Variants in SPRING1 observed in about 807,000 individuals in gnomAD.
The protein encoded by SPRING1 is SREBF pathway regulator in golgi 1.
SPRING1 carries 14 observed loss-of-function variants against 24.7 expected under a neutral mutation model. That is an observed-to-expected ratio of 0.57 (90% CI 0.37 to 0.88). SPRING1 has a LOEUF of 0.88. Ranked by LOEUF, SPRING1 falls within the 40% of genes least tolerant of loss-of-function variation. The pLI is 0.00. For missense variants in SPRING1, 255 were observed against 268.4 expected, an observed-to-expected ratio of 0.95 and a Z score of 0.35; for synonymous variants, 93 against 106.1, an observed-to-expected ratio of 0.88 and a Z score of 0.76.
intron 1 of SPRING1, among the ~76,000 whole-genome samples, chr12:116,725,415 A>AG (rs1199774720): frequency 6.6e-6 from 1 of 152,186 alleles, no homozygotes; most frequent in Admixed American, 6.5e-5. Context: ...AGAACAGATA[A>AG]GGGGGAACTA....
chr12:116,722,928 C>G (rs1376414948), intron 2 of SPRING1, 139 bp downstream of exon 2: 1 of 1,159,690 alleles, frequency 8.6e-7, no homozygotes, highest in Non-Finnish European at 1.2e-6. Flanking sequence ...GTATAGAAGA[C>G]AAAAACCTGG....
rs1019464591 is a variant in SPRING1, at chr12:116,712,825, A to G, written c.*4985T>C. ...CGGAGTCCAAGAGTGCGGTGAGGAC[A>G]CAGTGGCAAAGGAATAATGCCATTC... On this transcript the variant is annotated 3_prime_UTR_variant, in exon 5 of 5. Transcript: ENST00000261318. 1 of 152,498 alleles carries G rather than the reference A, an allele frequency of 6.6e-6. No homozygotes were observed. The highest frequency in any genetic ancestry group is 1.5e-5 in the Non-Finnish European group (1 of 68,168). 9.4% of individuals were successfully genotyped at this position (152,498 alleles called of 1,614,324 possible). A position where few individuals can be genotyped will look rare whatever the true frequency, so the allele number is the denominator to read the frequency against.
intron 1 of SPRING1, among the ~76,000 whole-genome samples, chr12:116,725,261 A>ACAC (rs1333456349): frequency 1.2e-4 from 19 of 152,182 alleles, no homozygotes; most frequent in African/African-American, 4.3e-4. Context: ...ACGCCATCCC[A>ACAC]TTCCGTCCCG....
At position 116,735,598 on chromosome 12, in the gene SPRING1, G is replaced by A. The variant is rs536811100; in HGVS notation, c.111+2192C>T. Among the ~76,000 whole-genome samples the A allele has an allele frequency of 4.4e-4, 67 of 152,140 alleles. 1 individual carries two copies. Among genetic ancestry groups the A allele is most frequent in the African/African-American group, 1.4e-3 (58 of 41,510 alleles). On this transcript the variant is annotated intron_variant, in intron 1 of 4. Transcript: ENST00000261318. ...AATACAAAAATTAGTCGGGTGTGGT[G>A]GTGCATGCCTGTAATCCCAGCTACT...
At chr12:116,722,809 C>G (rs983241861) in intron 2 of SPRING1, among the ~76,000 whole-genome samples, 1 of 152,092 alleles carries the variant, frequency 6.6e-6, no homozygotes, top group Admixed American at 6.6e-5. Context: ...GGGACTGATG[C>G]GTGACACAGT....
chr12:116,734,224 T>C (rs1871124188), intron 1 of SPRING1, among the ~76,000 whole-genome samples: 1 of 152,206 alleles, frequency 6.6e-6, no homozygotes, highest in Non-Finnish European at 1.5e-5. Context: ...TTTCTATGTT[T>C]AGATCTATTT....
At chr12:116,737,731 A>G in intron 1 of SPRING1, 59 bp downstream of exon 1, 1 of 1,350,604 alleles carries the variant, frequency 7.4e-7, no homozygotes, top group South Asian at 1.4e-5. Flanking sequence ...GAGAAAGTAA[A>G]GTAAGGGGGA....
rs372721801 is a variant in SPRING1 at position 116,726,858 on chromosome 12, TCA to T, written c.112-3637_112-3636del. Reference sequence around the variant, plus strand: ...TGTTCTTCCAAAAGAAAACAAGAGTTCACAGTCAAGTGCATCCCAGAAGGACC... The same window carrying T: ...TGTTCTTCCAAAAGAAAACAAGAGTTCAGTCAAGTGCATCCCAGAAGGACC... On this transcript the variant is annotated intron_variant, in intron 1 of 4. Transcript: ENST00000261318. Among the ~76,000 whole-genome samples, 4 of 152,336 alleles carry T rather than the reference TCA, an allele frequency of 2.6e-5. No individual in the cohort carries two copies. The East Asian group carries it at 7.7e-4, about 29-fold the overall frequency.
intron 1 of SPRING1, among the ~76,000 whole-genome samples, chr12:116,731,827 T>C (rs2137044398): frequency 6.6e-6 from 1 of 152,270 alleles, no homozygotes; most frequent in East Asian, 1.9e-4. Flanking sequence ...TGTTTCTTGC[T>C]CATGCTACAA....
At chr12:116,737,506 G>A (rs554498862) in intron 1 of SPRING1, among the ~76,000 whole-genome samples, 2 of 128,970 alleles carry the variant, frequency 1.6e-5, no homozygotes, top group African/African-American at 5.9e-5. Context: ...GAAGGGGGAG[G>A]AAGGAAAGGG....
In SPRING1 at chr12:116,717,860, T is replaced by C. The variant is rs1271614697; in HGVS notation, c.568A>G (p.Ile190Val). ...VQHENTYRDP[I>V]AKYCYGESPP... Reference sequence around the variant, plus strand: ...CTTTCTCCATAGCAATACTTTGCTATGGGGTCCCGGTAGGTGTTCTCATGC... The same window carrying C: ...CTTTCTCCATAGCAATACTTTGCTACGGGGTCCCGGTAGGTGTTCTCATGC... The change falls in exon 5 of 5, where the codon ATA becomes GTA. Residue 190 changes from isoleucine (I) to valine (V), a missense_variant. Ile to Val is a conservative substitution (Grantham distance 29). Transcript: ENST00000261318. This position sits in a 1 kb window ranked among gnomAD's most constrained non-coding sequence, Gnocchi z 4.2. 2.5e-6 allele frequency: 4 copies of C among 1,609,058 alleles called. No homozygotes were observed. Among genetic ancestry groups the C allele is most frequent in the East Asian group, 4.5e-5 (2 of 44,660 alleles).
At chr12:116,735,342 G>A (rs1871169608) in intron 1 of SPRING1, among the ~76,000 whole-genome samples, 1 of 152,180 alleles carries the variant, frequency 6.6e-6, no homozygotes, top group South Asian at 2.1e-4. Context: ...TGAATATTAA[G>A]TTTCAGTTTC....
At position 116,713,383 on chromosome 12, in the gene SPRING1, C is replaced by T. The variant is rs973617425; in HGVS notation, c.*4427G>A. ...AAAAGAAACAACATTGGCTAAGTCA[C>T]GAATAGGCATTTCACCATATGTACA... On this transcript the variant is annotated 3_prime_UTR_variant, in exon 5 of 5. Transcript: ENST00000261318. The T allele has an allele frequency of 1.3e-5, 2 of 152,188 alleles. No individual in the cohort carries two copies. Among genetic ancestry groups the T allele is most frequent in the African/African-American group, 4.8e-5 (2 of 41,444 alleles). The allele number at this position is 152,188 out of a possible 1,614,324, so 9.4% of individuals were successfully genotyped here.
intron 1 of SPRING1, among the ~76,000 whole-genome samples, chr12:116,733,938 G>A (rs1405655440): frequency 6.6e-6 from 1 of 152,132 alleles, no homozygotes; most frequent in African/African-American, 2.4e-5. Context: ...GTGCAGTGGC[G>A]TGATCTCGGC....
At chr12:116,719,739 G>A in intron 4 of SPRING1, 24 bp downstream of exon 4, 1 of 1,596,776 alleles carries the variant, frequency 6.3e-7, no homozygotes, top group Non-Finnish European at 8.6e-7. Context: ...CCATCCCACA[G>A]CTAGAGACAT....
rs1448656953 is a variant in SPRING1 at position 116,713,487 on chromosome 12, AT to A, written c.*4322del. The A allele has an allele frequency of 2.0e-5, 3 of 152,250 alleles. No homozygotes were observed. Among genetic ancestry groups the A allele is most frequent in the African/African-American group, 7.2e-5 (3 of 41,472 alleles). 9.4% of individuals were successfully genotyped at this position (152,250 alleles called of 1,614,324 possible). On this transcript the variant is annotated 3_prime_UTR_variant, in exon 5 of 5. Coordinates refer to ENST00000261318, the MANE Select transcript of SPRING1 (RefSeq NM_024738.4). The stretch of plus-strand genomic sequence containing the variant: ...TACATTCAAACAAGAACAGAGATCC[AT>A]TAGCAAAATGTTTAAAAATAATATC...
intron 1 of SPRING1, among the ~76,000 whole-genome samples, chr12:116,737,501 G>A (rs1280450675): frequency 6.0e-5 from 8 of 132,258 alleles, no homozygotes; most frequent in African/African-American, 1.2e-4. Context: ...AAAGGGAAGG[G>A]GGAGGAAGGA....
At chr12:116,725,773 C>G (rs1021862767) in intron 1 of SPRING1, among the ~76,000 whole-genome samples, 3 of 151,960 alleles carry the variant, frequency 2.0e-5, no homozygotes, top group African/African-American at 7.3e-5. Flanking sequence ...GTAGTCCCAG[C>G]TACTCAGGAG....
In SPRING1 at chr12:116,710,842, G is replaced by A. The variant is rs1296364521; in HGVS notation, c.*6968C>T. ...TAACAGCCAGGGGGACTTTTGGCTT[G>A]TTACAAAAATTGGAATTTGGATCTG... On this transcript the variant is annotated 3_prime_UTR_variant, in exon 5 of 5. Transcript: ENST00000261318. 6.6e-6 allele frequency: 1 copy of A among 152,128 alleles called. No homozygotes were observed. The highest frequency in any genetic ancestry group is 2.1e-4 in the South Asian group (1 of 4,832). The allele number at this position is 152,128 out of a possible 1,614,324, so 9.4% of individuals were successfully genotyped here.
Sources: gnomAD v4.1 joint callset for allele counts (sites outside exome capture counted in the v4.1 genomes callset) on GRCh38, gnomAD v4.1.1 for gene constraint, Gnocchi (gnomAD v3.1) non-coding constraint, MANE v1.5 for transcripts, NCBI Gene and HGNC (gene_info 2026-07-23, HGNC 2026-07-21) for gene names.